ARHGAP23: variants seen among roughly 807,000 people sequenced by gnomAD.
ARHGAP23 encodes rho GTPase-activating protein 23.
A neutral mutation model predicts 136.3 loss-of-function variants in ARHGAP23; 34 were observed. The observed-to-expected ratio is 0.25, with a 90% CI of 0.19 to 0.33. The LOEUF is 0.33. ARHGAP23 is among the 10% of genes least tolerant of loss of function. The pLI is 1.00. For missense variants in ARHGAP23, 1,808 were observed against 2,139.0 expected (o/e 0.85, Z 3.05); for synonymous variants, 832 against 920.5 (o/e 0.90, Z 1.74).
chr17:38,502,033 G>A (rs1158349016), intron 23 of ARHGAP23, among the ~76,000 whole-genome samples: 3 of 152,190 alleles, frequency 2.0e-5, no homozygotes, highest in Non-Finnish European at 4.4e-5. Context: ...GGGTGGCTGG[G>A]CACCATGGCT....
At chr17:38,448,158 G>A (rs2144555948) in intron 1 of ARHGAP23, among the ~76,000 whole-genome samples, 1 of 152,214 alleles carries the variant, frequency 6.6e-6, no homozygotes, top group Non-Finnish European at 1.5e-5. Flanking sequence ...AGATCCTACT[G>A]AATCCTCCCT....
intron 20 of ARHGAP23, among the ~76,000 whole-genome samples, chr17:38,493,524 C>A (rs995446156): frequency 2.6e-5 from 4 of 152,172 alleles, no homozygotes; most frequent in African/African-American, 7.2e-5. Context: ...GATTCATTCC[C>A]GAGAGCTAAC....
At chr17:38,436,023 A>G (rs951937537) in intron 1 of ARHGAP23, among the ~76,000 whole-genome samples, 3 of 152,170 alleles carry the variant, frequency 2.0e-5, no homozygotes, top group Non-Finnish European at 2.9e-5. Flanking sequence ...GCGCACTGTT[A>G]TCTTGCACTG....
chr17:38,491,500 C>T lies in ARHGAP23; in HGVS notation c.3244C>T (p.Arg1082Cys). ...MTDMVTHMPDRYKIVETLIQH... is the reference protein window; with the variant it reads ...MTDMVTHMPDCYKIVETLIQH... The stretch of plus-strand genomic sequence containing the variant: ...AGACATGGTGACCCACATGCCTGAC[C>T]GCTACAAGATCGTGGAGACACTGAT... The change falls in exon 20 of 24, where the codon CGC (arginine) becomes TGC (cysteine). Residue 1082 changes from arginine (R) to cysteine (C), a missense_variant. Transcript: ENST00000622683. The T allele has an allele frequency of 1.3e-6, 2 of 1,549,566 alleles. No individual in the cohort carries two copies. Among genetic ancestry groups the T allele is most frequent in the Non-Finnish European group, 1.7e-6 (2 of 1,146,820 alleles).
In ARHGAP23 at chr17:38,498,451, A is replaced by G. The variant is rs1001400230; in HGVS notation, c.3356A>G (p.Asn1119Ser). Reference sequence around the variant, plus strand: ...GACAAGGAGCCTCAGGCAGTGCCCAACATTGAGTACCTCCTGCCCAACATT... The same window carrying G: ...GACAAGGAGCCTCAGGCAGTGCCCAGCATTGAGTACCTCCTGCCCAACATT... Reference protein sequence around the residue: ...VGDKEPQAVPNIEYLLPNIGR... With the variant: ...VGDKEPQAVPSIEYLLPNIGR... Residue 1119 changes from asparagine (N) to serine (S), a missense_variant, in exon 22 of 24, where the codon AAC (asparagine) becomes AGC (serine). By Grantham distance (46) the Asn-to-Ser change is conservative. Coordinates refer to ENST00000622683, the MANE Select transcript of ARHGAP23 (RefSeq NM_001199417.2). 1.4e-5 allele frequency: 21 copies of G among 1,548,644 alleles called. No individual in the cohort carries two copies. The highest frequency in any genetic ancestry group is 2.7e-5 in the African/African-American group (2 of 72,930).
At chr17:38,429,333 C>T (rs1206731252) in intron 1 of ARHGAP23, among the ~76,000 whole-genome samples, 1 of 152,262 alleles carries the variant, frequency 6.6e-6, no homozygotes, top group African/African-American at 2.4e-5. Context: ...AGGGCCATTC[C>T]CTTACCTCTG....
In ARHGAP23 at chr17:38,510,567, C is replaced by T; in HGVS notation, c.4071C>T (p.Pro1357=). 14 of 1,239,982 alleles carry T rather than the reference C, an allele frequency of 1.1e-5. No homozygotes were observed. The highest frequency in any genetic ancestry group is 1.4e-5 in the Non-Finnish European group (14 of 991,982). The allele number at this position is 1,239,982 out of a possible 1,614,324, so 76.8% of individuals were successfully genotyped here. Residue 1357 remains proline, a synonymous_variant, in exon 24 of 24, where the codon CCC becomes CCT. Transcript: ENST00000622683. This position sits in a 1 kb window ranked among gnomAD's most constrained non-coding sequence, Gnocchi z 4.6. ...ASSSSQESLR[P]PAAALASRPS... ...CCAGCAGCCAGGAGTCGCTGCGGCC[C>T]CCGGCGGCGGCGCTGGCCTCCCGGC...
chr17:38,491,198 T>TGCACACCTATACAAGGTGTGCA lies in ARHGAP23; in HGVS notation c.3151-207_3151-206insACACCTATACAAGGTGTGCAGC, dbSNP rs2040271432. On this transcript the variant is annotated intron_variant, in intron 19 of 23. Transcript: ENST00000622683. ...TTGTATAGGTGTGCAGGTTGGGCACTGCTCATGGCTGCTGGGCCTGGGGAT... is the reference window on the plus strand; with the variant it reads ...TTGTATAGGTGTGCAGGTTGGGCACTGCACACCTATACAAGGTGTGCAGCTCATGGCTGCTGGGCCTGGGGAT... Among the ~76,000 whole-genome samples, 7 of 152,364 alleles carry TGCACACCTATACAAGGTGTGCA rather than the reference T, an allele frequency of 4.6e-5. No homozygotes were observed. The South Asian group carries it at 1.4e-3, about 32-fold the overall frequency.
chr17:38,505,293 C>T (rs2040609867), intron 23 of ARHGAP23, among the ~76,000 whole-genome samples: 1 of 151,886 alleles, frequency 6.6e-6, no homozygotes, highest in Non-Finnish European at 1.5e-5. Context: ...CAGGCATGAG[C>T]CACGGCACCC....
At chr17:38,439,401 G>A (rs1160182707) in intron 1 of ARHGAP23, among the ~76,000 whole-genome samples, 1 of 152,204 alleles carries the variant, frequency 6.6e-6, no homozygotes, top group Non-Finnish European at 1.5e-5. Flanking sequence ...GCCCCGTGAG[G>A]GTAGGGACTT....
At chr17:38,425,854 G>T (rs1289054403), upstream of ARHGAP23, among the ~76,000 whole-genome samples, 1 of 151,922 alleles carries the variant, frequency 6.6e-6, no homozygotes, top group African/African-American at 2.4e-5. Context: ...AGGTCAAGGT[G>T]CAGGAAGAGG....
intron 1 of ARHGAP23, among the ~76,000 whole-genome samples, chr17:38,435,754 A>G (rs923373915): frequency 6.6e-6 from 1 of 152,098 alleles, no homozygotes; most frequent in Admixed American, 6.5e-5. Flanking sequence ...GCCCTCTACC[A>G]TGCCCGGCTA....
At chr17:38,462,776 T>G in intron 3 of ARHGAP23, 70 bp from the exon 4 acceptor site, 1 of 1,082,962 alleles carries the variant, frequency 9.2e-7, no homozygotes, top group Non-Finnish European at 1.3e-6. Context: ...GTGTGTCCCC[T>G]GTGTGTGTAG....
In ARHGAP23 at chr17:38,510,890, C is replaced by T. The variant is rs780072130; in HGVS notation, c.4394C>T (p.Pro1465Leu). ...GCCCCGTCGTCCGCTGCCTCGCAGC[C>T]GCCCGCGCCCGGGGACACGGGGTCC... ...ARAPSSAASQ[P>L]PAPGDTGSLQ... The change falls in exon 24 of 24, where the codon CCG (proline) becomes CTG (leucine). Residue 1465 changes from proline to leucine, a missense_variant. Physicochemically the swap from Pro to Leu is moderately conservative, Grantham distance 98. Coordinates refer to ENST00000622683, the MANE Select transcript of ARHGAP23 (RefSeq NM_001199417.2). The surrounding 1 kb of genome is among the most constrained non-coding windows in gnomAD (Gnocchi z 4.6). 68 of 1,491,348 alleles carry T rather than the reference C, an allele frequency of 4.6e-5. No individual in the cohort carries two copies. In the African/African-American group the frequency reaches 7.0e-4, roughly 15 times the overall value. 92.4% of individuals were successfully genotyped at this position (1,491,348 alleles called of 1,614,324 possible). A position where few individuals can be genotyped will look rare whatever the true frequency, so the allele number is the denominator to read the frequency against.
At chr17:38,473,103 ATTTTTTTTTTT>A (rs59594005) in intron 11 of ARHGAP23, among the ~76,000 whole-genome samples, 3 of 129,964 alleles carry the variant, frequency 2.3e-5, no homozygotes, top group African/African-American at 8.8e-5. Flanking sequence ...AACCCGGCTA[ATTTTTTTTTTT>A]TTTTTTTTTG....
chr17:38,463,823 T>G (rs1027274670), intron 6 of ARHGAP23, among the ~76,000 whole-genome samples: 8 of 152,026 alleles, frequency 5.3e-5, no homozygotes, highest in African/African-American at 1.9e-4. Context: ...ACCCGAGCAG[T>G]ACACAGCCAC....
rs1331269377 is a variant in ARHGAP23, at chr17:38,477,444, C to T, written c.2119-135C>T. The stretch of plus-strand genomic sequence containing the variant: ...GGGCAGGAGGCTGCCCAGGTCTAGC[C>T]GGGTGGAGCAGGGGGCTCCTGGTAG... On this transcript the variant is annotated intron_variant, in intron 11 of 23. Transcript: ENST00000622683. The surrounding 1 kb of genome is among the most constrained non-coding windows in gnomAD (Gnocchi z 6.6). 10 of 869,582 alleles carry T rather than the reference C, an allele frequency of 1.1e-5. No homozygotes were observed. Among genetic ancestry groups the T allele is most frequent in the Middle Eastern group, 4.8e-4 (1 of 2,070 alleles). The allele number at this position is 869,582 out of a possible 1,614,324, so 53.9% of individuals were successfully genotyped here. A position where few individuals can be genotyped will look rare whatever the true frequency, so the allele number is the denominator to read the frequency against.
At chr17:38,482,738 G>T (rs980661102) in intron 16 of ARHGAP23, 60 bp downstream of exon 16, 5 of 1,471,464 alleles carry the variant, frequency 3.4e-6, no homozygotes, top group Non-Finnish European at 3.7e-6. Flanking sequence ...GTGGTGCTCC[G>T]CTTGGAGAGT....
At chr17:38,473,827 G>A (rs1316831034) in intron 11 of ARHGAP23, among the ~76,000 whole-genome samples, 2 of 152,158 alleles carry the variant, frequency 1.3e-5, no homozygotes, top group Non-Finnish European at 2.9e-5. Context: ...GAGCCAGGGC[G>A]AGAGGTGGAA....
Sources: allele counts gnomAD v4.1 joint callset (sites outside exome capture counted in the v4.1 genomes callset), GRCh38; gene constraint gnomAD v4.1.1; non-coding constraint Gnocchi (gnomAD v3.1); transcripts MANE v1.5; gene names NCBI Gene and HGNC (gene_info 2026-07-23, HGNC 2026-07-21).